The following ATR variants were observed in gnomAD, a reference collection of about 807,000 sequenced individuals.
ATR encodes the protein ATR checkpoint kinase, also known as serine/threonine-protein kinase ATR.
ATR carries 142 observed loss-of-function variants against 305.3 expected under a neutral mutation model. The ratio of observed to expected loss-of-function variants is 0.47; its 90% CI spans 0.41 to 0.53. The LOEUF (loss-of-function observed/expected upper bound fraction) is 0.53, where lower values mean the gene tolerates loss of function less well. Ranked by LOEUF, ATR falls within the 20% of genes least tolerant of loss-of-function variation. ATR has a pLI of 0.00. For synonymous variants in ATR, 1,050 were observed against 1,068.1 expected, an observed-to-expected ratio of 0.98 and a Z score of 0.33; for missense variants, 2,135 against 3,133.1, an observed-to-expected ratio of 0.68 and a Z score of 7.60.
intron 46 of ATR, chr3:142,450,463 C>T: frequency 6.2e-7 from 1 of 1,601,174 alleles, no homozygotes; most frequent in Non-Finnish European, 8.5e-7. Flanking sequence ...AGCTATTACT[C>T]ACTTAATGAG....
intron 27 of ATR, among the ~76,000 whole-genome samples, chr3:142,510,806 G>GA (rs879635106): frequency 0.011 from 1,511 of 139,976 alleles, 26 homozygotes; most frequent in African/African-American, 0.034. Context: ...GCCAAGAATG[G>GA]AAAAAAAAAA....
chr3:142,476,219 C>T (rs1401317658), intron 36 of ATR, among the ~76,000 whole-genome samples: 21 of 151,976 alleles, frequency 1.4e-4, no homozygotes, highest in Admixed American at 2.6e-4. Flanking sequence ...AGGGTTTTTA[C>T]GGTTTTAGGT....
At chr3:142,480,842 T>C (rs1004644928) in intron 36 of ATR, among the ~76,000 whole-genome samples, 7 of 152,238 alleles carry the variant, frequency 4.6e-5, no homozygotes, top group Admixed American at 6.5e-5. Flanking sequence ...CAGACTGCTA[T>C]GCTAGCAATG....
rs767171676 is a variant in ATR, at chr3:142,507,947, T to C, written c.5015A>G (p.His1672Arg). The C allele has an allele frequency of 6.2e-7, 1 of 1,609,994 alleles. No homozygotes were observed. Among genetic ancestry groups the C allele is most frequent in the Admixed American group, 1.7e-5 (1 of 59,984 alleles). The change falls in exon 28 of 47, where the codon CAT becomes CGT. Residue 1672 changes from histidine (H) to arginine (R), a missense_variant. This residue lies in a region of ATR where 45 missense variants were observed against 80.4 expected (regional missense o/e 0.56). Transcript: ENST00000350721. ...ITEKKQNIQE[H>R]LGFLQKLYAA... ...ACTTCAGACCTGTAAAAATCCAAGA[T>C]GTTCCTGAATATTTTGCTTCTTTTC...
At chr3:142,450,477 C>T (rs1463484000) in intron 46 of ATR, 1 of 1,602,000 alleles carries the variant, frequency 6.2e-7, no homozygotes, top group African/African-American at 1.3e-5. Context: ...TAATGAGGTC[C>T]ACTAAAGAGA....
chr3:142,459,900 C>T (rs998012391), intron 42 of ATR, among the ~76,000 whole-genome samples: 1 of 151,990 alleles, frequency 6.6e-6, no homozygotes. Context: ...GAATACAAGA[C>T]TCAAAATTAA....
intron 34 of ATR, 109 bp downstream of exon 34, chr3:142,496,252 C>T: frequency 4.1e-6 from 1 of 245,266 alleles, no homozygotes; most frequent in Non-Finnish European, 6.4e-6. Flanking sequence ...CTCAGTTGGC[C>T]TTTTAAGGAA....
chr3:142,516,735 G>A (rs2032876051), intron 24 of ATR, among the ~76,000 whole-genome samples: 1 of 151,974 alleles, frequency 6.6e-6, no homozygotes. Flanking sequence ...CCCTATAAGG[G>A]CCACGGCTCT....
At chr3:142,528,952 C>T (rs1400489568) in intron 21 of ATR, among the ~76,000 whole-genome samples, 2 of 133,940 alleles carry the variant, frequency 1.5e-5, no homozygotes, top group South Asian at 2.4e-4. Context: ...GGCGCAATCT[C>T]GGCTCACTGC....
chr3:142,515,840 A>G (rs1170131751), intron 24 of ATR, among the ~76,000 whole-genome samples: 1 of 152,102 alleles, frequency 6.6e-6, no homozygotes, highest in African/African-American at 2.4e-5. Flanking sequence ...TATGCAACAC[A>G]CTGATTACCA....
At chr3:142,493,372 A>G in intron 34 of ATR, 61 bp from the exon 35 acceptor site, 1 of 1,473,978 alleles carries the variant, frequency 6.8e-7, no homozygotes, top group Non-Finnish European at 9.2e-7. Context: ...ATTTTCTGCA[A>G]AAGTATTAGT....
At chr3:142,555,277 C>T (rs778094949) in intron 10 of ATR, among the ~76,000 whole-genome samples, 1 of 71,548 alleles carries the variant, frequency 1.4e-5, no homozygotes, top group Non-Finnish European at 3.9e-5. Flanking sequence ...GCACATTTCT[C>T]AAGGGGATCT....
intron 35 of ATR, among the ~76,000 whole-genome samples, chr3:142,490,457 G>C (rs2031212661): frequency 6.6e-6 from 1 of 152,052 alleles, no homozygotes; most frequent in Non-Finnish European, 1.5e-5. Context: ...CCAAGTCTAT[G>C]GCTTACCTTT....
chr3:142,480,939 C>T lies in ATR; in HGVS notation c.6221+4201G>A, dbSNP rs985462393. ...CTGTTTGCTAAGACCATTGGAAAAG[C>T]GCAGTATTAGGGTGGGAGTGACCTG... On this transcript the variant is annotated intron_variant, in intron 36 of 46. Transcript: ENST00000350721. Among the ~76,000 whole-genome samples, 5 of 152,212 alleles carry T rather than the reference C, an allele frequency of 3.3e-5. No homozygotes were observed. The South Asian group carries it at 6.2e-4, about 19-fold the overall frequency.
rs2108483529 is a variant in ATR at position 142,560,472 on chromosome 3, G to C, written c.1350-18C>G. On this transcript the variant is annotated intron_variant, in intron 5 of 46. Transcript: ENST00000350721. ...GTTTAATTCTATAATTATGAATATAGTAGAGAGATATTCATATGCAATATA... is the reference window on the plus strand; with the variant it reads ...GTTTAATTCTATAATTATGAATATACTAGAGAGATATTCATATGCAATATA... 1 of 1,566,174 alleles carries C rather than the reference G, an allele frequency of 6.4e-7. No homozygotes were observed. Among genetic ancestry groups the C allele is most frequent in the Non-Finnish European group, 8.8e-7 (1 of 1,137,000 alleles).
At chr3:142,522,285 A>C (rs2033178313) in intron 23 of ATR, among the ~76,000 whole-genome samples, 1 of 152,228 alleles carries the variant, frequency 6.6e-6, no homozygotes, top group South Asian at 2.1e-4. Flanking sequence ...ACATAATGTT[A>C]ATATGCACTG....
intron 28 of ATR, among the ~76,000 whole-genome samples, chr3:142,507,629 A>C (rs908505694): frequency 6.6e-6 from 1 of 152,154 alleles, no homozygotes; most frequent in African/African-American, 2.4e-5. Context: ...TCTGATTATA[A>C]TGTCTTGCCT....
chr3:142,549,779 G>A, intron 14 of ATR, 106 bp from the exon 15 acceptor site: 1 of 1,005,614 alleles, frequency 9.9e-7, no homozygotes, highest in Non-Finnish European at 1.5e-6. Context: ...CATATTTGGA[G>A]TCCACTCCAT....
At chr3:142,546,659 A>G (rs1432062428) in intron 16 of ATR, among the ~76,000 whole-genome samples, 1 of 152,254 alleles carries the variant, frequency 6.6e-6, no homozygotes, top group African/African-American at 2.4e-5. Flanking sequence ...GGAAAAAGCC[A>G]GTAAAGAAGC....
Sources: allele counts gnomAD v4.1 joint callset (sites outside exome capture counted in the v4.1 genomes callset), GRCh38; gene constraint gnomAD v4.1.1; regional missense constraint gnomAD v4.1.1; transcripts MANE v1.5; gene names NCBI Gene and HGNC (gene_info 2026-07-23, HGNC 2026-07-21).